Variants in CIBAR1 observed in about 807,000 individuals in gnomAD.
CIBAR1 encodes the protein CBY1-interacting BAR domain-containing protein 1.
CIBAR1 carries 25 observed loss-of-function variants against 44.0 expected under a neutral mutation model. That is an observed-to-expected ratio of 0.57 (90% CI 0.41 to 0.79). The LOEUF (loss-of-function observed/expected upper bound fraction) is 0.79. Among genes scored for constraint, CIBAR1 ranks in the 30% least tolerant of loss-of-function variants. The probability of loss-of-function intolerance (pLI) is 0.00; values close to 1 mark genes in which losing one functional copy is unlikely to be tolerated. For synonymous variants in CIBAR1, 115 were observed against 119.0 expected, an observed-to-expected ratio of 0.97 and a Z score of 0.22; for missense variants, 278 against 344.8, an observed-to-expected ratio of 0.81 and a Z score of 1.53.
intron 6 of CIBAR1, among the ~76,000 whole-genome samples, chr8:93,717,118 G>A (rs1219796557): frequency 6.6e-6 from 1 of 152,160 alleles, no homozygotes; most frequent in Non-Finnish European, 1.5e-5. Context: ...CAAGTAGCTG[G>A]GATTATAGGC....
At chr8:93,723,139 G>A (rs1295436468) in intron 7 of CIBAR1, among the ~76,000 whole-genome samples, 1 of 152,182 alleles carries the variant, frequency 6.6e-6, no homozygotes, top group African/African-American at 2.4e-5. Context: ...TGGGACTACA[G>A]GCACCCGCCA....
At chr8:93,701,574 A>G in intron 2 of CIBAR1, 116 bp downstream of exon 2, 1 of 798,274 alleles carries the variant, frequency 1.3e-6, no homozygotes, top group Non-Finnish European at 2.0e-6. Context: ...TGCAAACTTG[A>G]TAAAACGTAC....
intron 2 of CIBAR1, chr8:93,702,175 G>A (rs771709037): frequency 1.5e-5 from 6 of 389,864 alleles, no homozygotes; most frequent in South Asian, 9.9e-5. Flanking sequence ...AACCTAAAAC[G>A]GGAATTTCAA....
At chr8:93,711,957 A>G (rs1378467218) in intron 6 of CIBAR1, among the ~76,000 whole-genome samples, 2 of 152,148 alleles carry the variant, frequency 1.3e-5, no homozygotes, top group African/African-American at 4.8e-5. Flanking sequence ...AAGGTGCTGT[A>G]TGGTGGAGGG....
At chr8:93,714,759 C>T (rs917941424) in intron 6 of CIBAR1, among the ~76,000 whole-genome samples, 1 of 152,024 alleles carries the variant, frequency 6.6e-6, no homozygotes, top group Non-Finnish European at 1.5e-5. Context: ...GCTGGGATTA[C>T]AGGTGTAAGC....
chr8:93,721,688 A>G (rs943791727), intron 7 of CIBAR1, among the ~76,000 whole-genome samples: 12 of 152,200 alleles, frequency 7.9e-5, no homozygotes, highest in African/African-American at 2.9e-4. Context: ...ATATGCACCA[A>G]GCACCATTCT....
intron 7 of CIBAR1, among the ~76,000 whole-genome samples, chr8:93,724,790 ACACATGGCC>A (rs1384148911): frequency 6.6e-6 from 1 of 152,216 alleles, no homozygotes; most frequent in Non-Finnish European, 1.5e-5. Flanking sequence ...CTTAGTAGCC[ACACATGGCC>A]AGTGGCTACG....
chr8:93,704,158 T>G (rs981559868), intron 3 of CIBAR1, among the ~76,000 whole-genome samples: 1 of 152,172 alleles, frequency 6.6e-6, no homozygotes, highest in African/African-American at 2.4e-5. Flanking sequence ...GAAATAGTTT[T>G]AATGAGCTTA....
At chr8:93,703,587 G>A (rs1008039511) in intron 2 of CIBAR1, 33 bp from the exon 3 acceptor site, 12 of 1,283,482 alleles carry the variant, frequency 9.3e-6, no homozygotes, top group African/African-American at 1.5e-5. Flanking sequence ...AATGTTAAAC[G>A]TTCTAATTTA....
chr8:93,708,064 C>T, intron 5 of CIBAR1, 48 bp downstream of exon 5: 1 of 1,414,726 alleles, frequency 7.1e-7, no homozygotes, highest in Non-Finnish European at 9.5e-7. Flanking sequence ...ATAGTAAACC[C>T]TTTTACTTGT....
intron 7 of CIBAR1, 24 bp downstream of exon 7, chr8:93,718,812 C>T (rs1340802552): frequency 4.6e-6 from 6 of 1,304,006 alleles, no homozygotes; most frequent in South Asian, 2.9e-5. Context: ...TATCTAAGCT[C>T]AGTTCTTCTG....
At chr8:93,723,614 T>G (rs1811358032) in intron 7 of CIBAR1, among the ~76,000 whole-genome samples, 1 of 152,060 alleles carries the variant, frequency 6.6e-6, no homozygotes, top group South Asian at 2.1e-4. Context: ...AAAATGAATT[T>G]AATTAACATC....
chr8:93,704,781 A>G, intron 3 of CIBAR1, 128 bp from the exon 4 acceptor site: 4 of 565,046 alleles, frequency 7.1e-6, no homozygotes, highest in South Asian at 2.7e-5. Flanking sequence ...TCCTGTGGTA[A>G]TGGTACCAGG....
chr8:93,726,610 C>T lies in CIBAR1; in HGVS notation c.777+97C>T, dbSNP rs896254690. 1.2e-5 allele frequency: 17 copies of T among 1,411,532 alleles called. No individual in the cohort carries two copies. The East Asian group carries it at 3.5e-4, about 29-fold the overall frequency. The allele number at this position is 1,411,532 out of a possible 1,614,324, so 87.4% of individuals were successfully genotyped here. A position where few individuals can be genotyped will look rare whatever the true frequency, so the allele number is the denominator to read the frequency against. On this transcript the variant is annotated intron_variant, in intron 8 of 8. Transcript: ENST00000518322. ...CCCCTCAGTCATATCACCTCGGTAA[C>T]TTATCCTCCCCTGGACCTATTTCTT...
At chr8:93,717,130 C>T (rs1249512579) in intron 6 of CIBAR1, among the ~76,000 whole-genome samples, 1 of 152,226 alleles carries the variant, frequency 6.6e-6, no homozygotes, top group East Asian at 1.9e-4. Flanking sequence ...ATTATAGGCA[C>T]ATGCCATTGT....
Position 93,718,792 on chromosome 8 carries a change from G to C in CIBAR1, c.657+4G>C. 1 of 1,479,036 alleles carries C rather than the reference G, an allele frequency of 6.8e-7. No homozygotes were observed. The allele number at this position is 1,479,036 out of a possible 1,614,324, so 91.6% of individuals were successfully genotyped here. A position where few individuals can be genotyped will look rare whatever the true frequency, so the allele number is the denominator to read the frequency against. Reference sequence around the variant, plus strand: ...TGATGAAGATGAAGATTTAGAGGTAGGACTATGTCTATCTAAGCTCAGTTC... The same window carrying C: ...TGATGAAGATGAAGATTTAGAGGTACGACTATGTCTATCTAAGCTCAGTTC... On this transcript the variant is annotated splice_donor_region_variant and intron_variant, in intron 7 of 8. Coordinates refer to ENST00000518322, the MANE Select transcript of CIBAR1 (RefSeq NM_145269.5).
At chr8:93,718,869 C>CTTT in intron 7 of CIBAR1, 81 bp downstream of exon 7, 5 of 691,832 alleles carry the variant, frequency 7.2e-6, no homozygotes, top group South Asian at 3.0e-5. Context: ...TGATTAATAT[C>CTTT]TTTTTTTTTT....
At chr8:93,720,253 A>C (rs1465206082) in intron 7 of CIBAR1, 1 of 152,152 alleles carries the variant, frequency 6.6e-6, no homozygotes, top group Non-Finnish European at 1.5e-5. Context: ...AAGTGCTGGG[A>C]TCACAGGCGT....
chr8:93,727,405 T>C (rs1316000987), intron 8 of CIBAR1, among the ~76,000 whole-genome samples: 1 of 152,224 alleles, frequency 6.6e-6, no homozygotes, highest in African/African-American at 2.4e-5. Flanking sequence ...ATAGTCCATA[T>C]AAAGTTTTGA....
Sources: gnomAD v4.1 joint callset for allele counts (sites outside exome capture counted in the v4.1 genomes callset) on GRCh38, gnomAD v4.1.1 for gene constraint, MANE v1.5 for transcripts, NCBI Gene and HGNC (gene_info 2026-07-23, HGNC 2026-07-21) for gene names.